ZDHHC2: variants seen among roughly 807,000 people sequenced by gnomAD.
The protein encoded by ZDHHC2 is palmitoyltransferase ZDHHC2.
ZDHHC2 carries 51 observed loss-of-function variants against 55.6 expected under a neutral mutation model. The ratio of observed to expected loss-of-function variants is 0.92; its 90% CI spans 0.73 to 1.16. The LOEUF is 1.16. Ranked by LOEUF, ZDHHC2 falls within the 50% of genes most tolerant of loss-of-function variation. The pLI is 0.00. For missense variants in ZDHHC2, 491 were observed against 442.4 expected, an observed-to-expected ratio of 1.11 and a Z score of -0.99; for synonymous variants, 199 against 152.9, an observed-to-expected ratio of 1.30 and a Z score of -2.22.
chr8:17,197,955 C>G (rs1424665225), intron 5 of ZDHHC2, among the ~76,000 whole-genome samples: 1 of 152,132 alleles, frequency 6.6e-6, no homozygotes, highest in Non-Finnish European at 1.5e-5. Flanking sequence ...AAAGAGAACT[C>G]AGTTGACTTC....
intron 1 of ZDHHC2, among the ~76,000 whole-genome samples, chr8:17,179,326 T>G (rs1458108058): frequency 6.6e-6 from 1 of 152,210 alleles, no homozygotes; most frequent in Non-Finnish European, 1.5e-5. Context: ...ATAATACAAC[T>G]GGTGACCCAA....
chr8:17,208,141 A>G (rs763890915), intron 8 of ZDHHC2, 49 bp downstream of exon 8: 11 of 1,463,532 alleles, frequency 7.5e-6, no homozygotes, highest in Middle Eastern at 2.3e-4. Context: ...ACGTATACCA[A>G]CATTCATTGA....
chr8:17,188,789 C>A (rs1330412366), intron 3 of ZDHHC2, among the ~76,000 whole-genome samples: 1 of 152,170 alleles, frequency 6.6e-6, no homozygotes, highest in Non-Finnish European at 1.5e-5. Context: ...ATTTCAGGTT[C>A]AACACAACTG....
rs973254579 is a variant in ZDHHC2 at position 17,221,501 on chromosome 8, T to G, written c.*1280T>G. On this transcript the variant is annotated 3_prime_UTR_variant, in exon 13 of 13. Transcript: ENST00000262096. ...TTTTGAGAATTTAAAGCAGATTACC[T>G]TTTAAAACTGGACCAACTAAGTAAT... 8 of 152,578 alleles carry G rather than the reference T, an allele frequency of 5.2e-5. No individual in the cohort carries two copies. Among genetic ancestry groups the G allele is most frequent in the African/African-American group, 1.9e-4 (8 of 41,574 alleles). The allele number at this position is 152,578 out of a possible 1,614,324, so 9.5% of individuals were successfully genotyped here.
chr8:17,189,930 G>A (rs1333423808), intron 3 of ZDHHC2, among the ~76,000 whole-genome samples: 3 of 152,160 alleles, frequency 2.0e-5, no homozygotes, highest in Admixed American at 2.0e-4. Context: ...TAGTGCTACT[G>A]TGTGGGAGAG....
intron 4 of ZDHHC2, among the ~76,000 whole-genome samples, chr8:17,196,370 A>T (rs1336141839): frequency 2.6e-5 from 4 of 152,040 alleles, no homozygotes; most frequent in African/African-American, 9.7e-5. Flanking sequence ...GGTTTCAAAG[A>T]CTTAGTATGA....
intron 6 of ZDHHC2, among the ~76,000 whole-genome samples, chr8:17,200,690 ATACT>A (rs1806714536): frequency 6.6e-6 from 1 of 152,252 alleles, no homozygotes; most frequent in South Asian, 2.1e-4. Context: ...GCCTCATGAG[ATACT>A]TACAGTCTGA....
intron 1 of ZDHHC2, among the ~76,000 whole-genome samples, chr8:17,180,395 A>G (rs937035528): frequency 2.6e-5 from 4 of 152,146 alleles, no homozygotes; most frequent in Non-Finnish European, 4.4e-5. Context: ...TCAGATTTAC[A>G]TTATTTTTCA....
At chr8:17,200,297 T>C (rs1014877132) in intron 6 of ZDHHC2, among the ~76,000 whole-genome samples, 1 of 152,198 alleles carries the variant, frequency 6.6e-6, no homozygotes, top group African/African-American at 2.4e-5. Flanking sequence ...TGCCAAGGCA[T>C]TCATACCTCC....
chr8:17,180,970 T>G (rs1805402178), intron 1 of ZDHHC2, among the ~76,000 whole-genome samples: 1 of 152,190 alleles, frequency 6.6e-6, no homozygotes, highest in Admixed American at 6.5e-5. Context: ...CCTCAGCTTT[T>G]TCCTTTTTAA....
At chr8:17,173,088 G>A (rs1249191065) in intron 1 of ZDHHC2, among the ~76,000 whole-genome samples, 1 of 152,180 alleles carries the variant, frequency 6.6e-6, no homozygotes, top group African/African-American at 2.4e-5. Flanking sequence ...AAGTAACAGG[G>A]AGTGGCAAGA....
At chr8:17,168,097 C>T (rs1252465109) in intron 1 of ZDHHC2, among the ~76,000 whole-genome samples, 1 of 152,158 alleles carries the variant, frequency 6.6e-6, no homozygotes, top group Non-Finnish European at 1.5e-5. Context: ...GAGATAGATA[C>T]ATGTATCAAG....
chr8:17,214,750 A>G (rs944086253), intron 10 of ZDHHC2, among the ~76,000 whole-genome samples: 2 of 152,104 alleles, frequency 1.3e-5, no homozygotes, highest in African/African-American at 4.8e-5. Flanking sequence ...TACAAAAAAT[A>G]AAACAAAATA....
intron 1 of ZDHHC2, among the ~76,000 whole-genome samples, chr8:17,168,967 T>A (rs1804731665): frequency 6.6e-6 from 1 of 152,240 alleles, no homozygotes; most frequent in Non-Finnish European, 1.5e-5. Flanking sequence ...TTTTGGCTAT[T>A]CTGAATAATG....
At chr8:17,204,730 A>C (rs1346725768) in intron 6 of ZDHHC2, among the ~76,000 whole-genome samples, 1 of 152,196 alleles carries the variant, frequency 6.6e-6, no homozygotes, top group Non-Finnish European at 1.5e-5. Flanking sequence ...TACCTGGGTG[A>C]TGAAATAATC....
At chr8:17,213,162 G>C (rs566579456) in intron 10 of ZDHHC2, among the ~76,000 whole-genome samples, 1 of 151,968 alleles carries the variant, frequency 6.6e-6, no homozygotes, top group African/African-American at 2.4e-5. Flanking sequence ...TTTATATTCT[G>C]TTCGGGCGTA....
At chr8:17,198,333 T>A (rs1360605809) in intron 5 of ZDHHC2, 48 bp from the exon 6 acceptor site, 14 of 1,518,638 alleles carry the variant, frequency 9.2e-6, no homozygotes, top group Non-Finnish European at 1.2e-5. Context: ...TTTAATATGA[T>A]TAAAATTTCA....
chr8:17,179,125 A>AT (rs1453164322), intron 1 of ZDHHC2, among the ~76,000 whole-genome samples: 1 of 151,876 alleles, frequency 6.6e-6, no homozygotes, highest in Non-Finnish European at 1.5e-5. Flanking sequence ...TAATTTTTAA[A>AT]TTTTTTTGTA....
At chr8:17,174,485 G>T (rs2150892968) in intron 1 of ZDHHC2, among the ~76,000 whole-genome samples, 2 of 152,242 alleles carry the variant, frequency 1.3e-5, no homozygotes, top group East Asian at 3.9e-4. Flanking sequence ...AGGGAGATAT[G>T]TTTGGATGTT....
Sources: gnomAD v4.1 joint callset for allele counts (sites outside exome capture counted in the v4.1 genomes callset) on GRCh38, gnomAD v4.1.1 for gene constraint, MANE v1.5 for transcripts, NCBI Gene and HGNC (gene_info 2026-07-23, HGNC 2026-07-21) for gene names.